The following CTNNA2 variants were observed in gnomAD, a reference collection of about 807,000 sequenced individuals.
The protein encoded by CTNNA2 is catenin alpha 2.
Under a neutral mutation model 101.0 loss-of-function variants are expected in CTNNA2, and 42 were observed. The ratio of observed to expected loss-of-function variants is 0.42; its 90% CI spans 0.32 to 0.54. The LOEUF is 0.54. CTNNA2 is among the 20% of genes least tolerant of loss of function. The pLI is 0.14. For missense variants in CTNNA2, 871 were observed against 1,223.1 expected (o/e 0.71, Z 4.29); for synonymous variants, 450 against 456.4 (o/e 0.99, Z 0.18).
chr2:80,558,700 G>GA lies in CTNNA2; in HGVS notation c.1741+2808dup, dbSNP rs1224484540. ...ATGTGAATCTATCAAATTTTGTCAT[G>GA]AGAGTACATTGTAGGGTGAGAGAGG... On this transcript the variant is annotated intron_variant, in intron 12 of 18. Coordinates refer to ENST00000402739, the MANE Select transcript of CTNNA2 (RefSeq NM_001282597.3). Among the ~76,000 whole-genome samples, 7 of 152,156 alleles carry GA rather than the reference G, an allele frequency of 4.6e-5. No homozygotes were observed. In the East Asian group the frequency reaches 9.7e-4, roughly 21 times the overall value.
At chr2:79,473,425 C>T (rs186028010) in intron 4 of CTNNA2, among the ~76,000 whole-genome samples, 203 of 152,120 alleles carry the variant, frequency 1.3e-3, no homozygotes, top group Non-Finnish European at 1.3e-3. Context: ...CCCTCTCTCT[C>T]ACATGTACAC....
intron 7 of CTNNA2, among the ~76,000 whole-genome samples, chr2:80,190,428 T>C (rs1362394699): frequency 6.6e-6 from 1 of 152,146 alleles, no homozygotes; most frequent in African/African-American, 2.4e-5. Flanking sequence ...ACTTTCCCCG[T>C]AATGAACTCC....
rs112052302 is a variant in CTNNA2 at position 79,992,488 on chromosome 2, C to G, written c.1056+82691C>G. Among the ~76,000 whole-genome samples, 1,096 of 152,154 alleles carry G rather than the reference C, an allele frequency of 7.2e-3. 9 individuals carry two copies. The highest frequency in any genetic ancestry group is 0.025 in the African/African-American group (1,021 of 41,528). ...ATGTTTTTACAGTTGTTGGTAAAAA[C>G]CTTTTTAAATACTTGCGTATAACTT... On this transcript the variant is annotated intron_variant, in intron 7 of 18. Transcript: ENST00000402739.
intron 7 of CTNNA2, among the ~76,000 whole-genome samples, chr2:80,003,239 C>A (rs190041225): frequency 2.6e-5 from 4 of 152,282 alleles, no homozygotes; most frequent in Admixed American, 2.0e-4. Flanking sequence ...TAGGAGGATT[C>A]ATCTTTACCA....
intron 2 of CTNNA2, among the ~76,000 whole-genome samples, chr2:79,230,272 G>A (rs1674473108): frequency 6.6e-6 from 1 of 152,154 alleles, no homozygotes. Context: ...TTGTTGGCTA[G>A]GCCCAGGGTC....
chr2:79,329,613 C>T (rs1020929671), intron 3 of CTNNA2, among the ~76,000 whole-genome samples: 3 of 152,070 alleles, frequency 2.0e-5, no homozygotes, highest in Non-Finnish European at 2.9e-5. Context: ...GATTACCATT[C>T]CCCCCAAGAT....
At chr2:79,863,615 G>A (rs1681806871) in intron 4 of CTNNA2, among the ~76,000 whole-genome samples, 1 of 152,172 alleles carries the variant, frequency 6.6e-6, no homozygotes. Context: ...AACACTAATA[G>A]CAGTTTGGAA....
In CTNNA2 at chr2:80,075,679, ATAAAAAT is replaced by A. The variant is rs1482430802; in HGVS notation, c.1056+165883_1056+165889del. Reference sequence around the variant, plus strand: ...TAATATTTATACATGTATAAATATTATAAAAATAATATTTATACTTGTATAAATATTA... The same window carrying A: ...TAATATTTATACATGTATAAATATTAAATATTTATACTTGTATAAATATTA... On this transcript the variant is annotated intron_variant, in intron 7 of 18. Transcript: ENST00000402739. 2.7e-3 allele frequency among the ~76,000 whole-genome samples: 227 copies of A among 85,036 alleles called. 5 individuals are homozygous for A. The highest frequency in any genetic ancestry group is 0.01 in the African/African-American group (196 of 19,386). The allele number at this position is 85,036 out of a possible 152,430, so 55.8% of individuals were successfully genotyped here.
At chr2:80,134,409 T>C (rs951408539) in intron 7 of CTNNA2, among the ~76,000 whole-genome samples, 3 of 152,096 alleles carry the variant, frequency 2.0e-5, no homozygotes, top group Non-Finnish European at 4.4e-5. Flanking sequence ...CTTTGGTTGG[T>C]AAATGATCAC....
intron 7 of CTNNA2, chr2:80,163,159 A>G: frequency 6.6e-7 from 1 of 1,511,974 alleles, no homozygotes; most frequent in Admixed American, 1.7e-5. Context: ...CCTGGTGGAA[A>G]ACCTCGAAAA....
intron 2 of CTNNA2, among the ~76,000 whole-genome samples, chr2:79,204,098 T>C (rs549117648): frequency 3.5e-4 from 54 of 152,364 alleles, no homozygotes; most frequent in African/African-American, 1.3e-3. Flanking sequence ...AATAATGGGA[T>C]TGCAGAATAT....
At chr2:80,350,517 C>T (rs910480466) in intron 7 of CTNNA2, among the ~76,000 whole-genome samples, 2 of 152,162 alleles carry the variant, frequency 1.3e-5, no homozygotes, top group Non-Finnish European at 2.9e-5. Flanking sequence ...ATTCATCATT[C>T]TAGTTAAACA....
chr2:79,847,738 C>T (rs981432982), intron 3 of CTNNA2, among the ~76,000 whole-genome samples: 2 of 151,986 alleles, frequency 1.3e-5, no homozygotes, highest in Admixed American at 1.3e-4. Flanking sequence ...TCTGCATTTC[C>T]TTGTACAGTA....
intron 4 of CTNNA2, among the ~76,000 whole-genome samples, chr2:79,497,337 G>T (rs1671267831): frequency 6.6e-6 from 1 of 152,050 alleles, no homozygotes; most frequent in Non-Finnish European, 1.5e-5. Context: ...TTACTTCTAG[G>T]CTTTTGATTT....
intron 7 of CTNNA2, among the ~76,000 whole-genome samples, chr2:80,279,048 A>ATGTGTGTGTGTGTG (rs1385414261): frequency 3.8e-5 from 1 of 26,266 alleles, no homozygotes; most frequent in African/African-American, 1.4e-4. Context: ...AATGACTTTT[A>ATGTGTGTGTGTGTG]CGTGTGTGTG....
In CTNNA2 at chr2:80,413,269, G is replaced by A. The variant is rs76136376; in HGVS notation, c.1138-6180G>A. 9.7e-3 allele frequency among the ~76,000 whole-genome samples: 1,474 copies of A among 152,264 alleles called. 19 individuals carry two copies. The highest frequency in any genetic ancestry group is 0.033 in the African/African-American group (1,386 of 41,544). ...GTGGACAATGAATGAGATGGGTAGG[G>A]AAAAGCACAGGGCCTGATAGAGCTA... On this transcript the variant is annotated intron_variant, in intron 8 of 18. Transcript: ENST00000402739.
chr2:80,054,571 T>G (rs553988415), intron 7 of CTNNA2, among the ~76,000 whole-genome samples: 1 of 152,324 alleles, frequency 6.6e-6, no homozygotes, highest in African/African-American at 2.4e-5. Flanking sequence ...ATGTGGTTTC[T>G]GGAGCACAGC....
chr2:79,492,202 G>A (rs1573190933), intron 4 of CTNNA2, among the ~76,000 whole-genome samples: 1 of 151,390 alleles, frequency 6.6e-6, no homozygotes, highest in East Asian at 1.9e-4. Context: ...TTTTAATGTG[G>A]CCTATTAGAA....
chr2:79,216,075 C>A (rs999113904), intron 2 of CTNNA2, among the ~76,000 whole-genome samples: 20 of 152,024 alleles, frequency 1.3e-4, no homozygotes, highest in Non-Finnish European at 1.2e-4. Flanking sequence ...CACCTCGGAC[C>A]ATTTGCCTAT....
Sources: gnomAD v4.1 joint callset for allele counts (sites outside exome capture counted in the v4.1 genomes callset) on GRCh38, gnomAD v4.1.1 for gene constraint, MANE v1.5 for transcripts, NCBI Gene and HGNC (gene_info 2026-07-23, HGNC 2026-07-21) for gene names.